PPP2R3A: variants seen among roughly 807,000 people sequenced by gnomAD.
The protein encoded by PPP2R3A is protein phosphatase 2 regulatory subunit B''alpha, also known as serine/threonine-protein phosphatase 2A regulatory subunit B'' subunit alpha.
Under a neutral mutation model 106.9 loss-of-function variants are expected in PPP2R3A, and 80 were observed. That is an observed-to-expected ratio of 0.75 (90% CI 0.62 to 0.90). The LOEUF (loss-of-function observed/expected upper bound fraction) is 0.90, where lower values mean the gene tolerates loss of function less well. Among genes scored for constraint, PPP2R3A ranks in the 40% least tolerant of loss-of-function variants. The probability of loss-of-function intolerance (pLI) is 0.00; values close to 1 mark genes in which losing one functional copy is unlikely to be tolerated. For missense variants in PPP2R3A, 1,386 were observed against 1,350.4 expected, an observed-to-expected ratio of 1.03 and a Z score of -0.41; for synonymous variants, 483 against 468.3, an observed-to-expected ratio of 1.03 and a Z score of -0.41.
intron 8 of PPP2R3A, among the ~76,000 whole-genome samples, chr3:136,087,251 C>CTCTCTCTG (rs1398042374): frequency 2.8e-5 from 3 of 106,682 alleles, no homozygotes; most frequent in African/African-American, 1.1e-4. Context: ...TCGTGTCTCT[C>CTCTCTCTG]TCTCTCTCTC....
At chr3:136,022,931 G>A in intron 2 of PPP2R3A, 2 of 1,477,468 alleles carry the variant, frequency 1.4e-6, no homozygotes, top group Non-Finnish European at 1.8e-6. Flanking sequence ...GGCTGGGAGA[G>A]CACAATGCTT....
intron 13 of PPP2R3A, among the ~76,000 whole-genome samples, chr3:136,107,188 C>T (rs764369134): frequency 6.6e-6 from 1 of 151,940 alleles, no homozygotes. Flanking sequence ...TTTTGTAATT[C>T]TTCTAATTCT....
chr3:136,060,028 A>T (rs904248515), intron 5 of PPP2R3A, among the ~76,000 whole-genome samples: 2 of 152,158 alleles, frequency 1.3e-5, no homozygotes, highest in Admixed American at 6.6e-5. Flanking sequence ...AATAACTAAT[A>T]GTTAATGGGC....
intron 10 of PPP2R3A, among the ~76,000 whole-genome samples, chr3:136,100,527 A>AC (rs1225557513): frequency 6.6e-6 from 1 of 151,868 alleles, no homozygotes; most frequent in Non-Finnish European, 1.5e-5. Context: ...AAAAAAAAAA[A>AC]AATTAGTTGA....
At chr3:136,065,940 G>T (rs1936251980) in intron 5 of PPP2R3A, among the ~76,000 whole-genome samples, 1 of 152,130 alleles carries the variant, frequency 6.6e-6, no homozygotes, top group Admixed American at 6.5e-5. Context: ...CCTTGTAAGT[G>T]CTGGAATTGC....
chr3:136,022,910 T>C, intron 2 of PPP2R3A: 1 of 1,434,402 alleles, frequency 7.0e-7, no homozygotes, highest in Non-Finnish European at 9.1e-7. Context: ...GCATAGATTG[T>C]GGTCTGTGGA....
intron 5 of PPP2R3A, among the ~76,000 whole-genome samples, chr3:136,067,480 G>C (rs1406611937): frequency 2.0e-5 from 3 of 152,220 alleles, no homozygotes; most frequent in Non-Finnish European, 4.4e-5. Context: ...GGAAACCCAG[G>C]CTGAGTTAAG....
At chr3:136,121,716 TG>T (rs1471230303) in intron 13 of PPP2R3A, among the ~76,000 whole-genome samples, 1 of 152,158 alleles carries the variant, frequency 6.6e-6, no homozygotes, top group African/African-American at 2.4e-5. Flanking sequence ...AAATTTTGAA[TG>T]GTTTTTTTAA....
rs1939181453 is a variant in PPP2R3A, at chr3:136,147,448, T to C, written c.*2282T>C. ...ATTGTAATTTACCCACATTATCACA[T>C]TTTCAGGAATTATAAGAATGTGTTT... On this transcript the variant is annotated 3_prime_UTR_variant, in exon 14 of 14. Transcript: ENST00000264977. The C allele has an allele frequency of 6.6e-6, 1 of 152,620 alleles. No individual in the cohort carries two copies. The highest frequency in any genetic ancestry group is 6.5e-5 in the Admixed American group (1 of 15,278). 9.5% of individuals were successfully genotyped at this position (152,620 alleles called of 1,614,324 possible). A position where few individuals can be genotyped will look rare whatever the true frequency, so the allele number is the denominator to read the frequency against.
At chr3:135,966,738 A>G (rs1937099433) in intron 1 of PPP2R3A, among the ~76,000 whole-genome samples, 1 of 152,130 alleles carries the variant, frequency 6.6e-6, no homozygotes, top group African/African-American at 2.4e-5. Context: ...TGGCCTGAAA[A>G]CATTAAATTC....
Position 136,001,389 on chromosome 3 carries a change from C to A in PPP2R3A, c.-110C>A. The stretch of plus-strand genomic sequence containing the variant: ...GAAAAGCCATTATATTTGGAAGAAA[C>A]CACTGAACATTGTTATTAAATATAT... On this transcript the variant is annotated 5_prime_UTR_variant, in exon 2 of 14. Transcript: ENST00000264977. 1 of 956,926 alleles carries A rather than the reference C, an allele frequency of 1.0e-6. No homozygotes were observed. The highest frequency in any genetic ancestry group is 1.6e-6 in the Non-Finnish European group (1 of 636,046). 59.3% of individuals were successfully genotyped at this position (956,926 alleles called of 1,614,324 possible).
chr3:136,032,502 T>A (rs949795142), intron 3 of PPP2R3A, among the ~76,000 whole-genome samples: 2 of 151,390 alleles, frequency 1.3e-5, no homozygotes, highest in South Asian at 2.1e-4. Context: ...TTTCTCTTTT[T>A]TTTTTTAATT....
At chr3:136,086,805 CCTAA>C (rs1434379254) in intron 8 of PPP2R3A, among the ~76,000 whole-genome samples, 1 of 152,112 alleles carries the variant, frequency 6.6e-6, no homozygotes, top group Non-Finnish European at 1.5e-5. Context: ...GCTAACTGTA[CCTAA>C]CTATGTGCAG....
intron 13 of PPP2R3A, among the ~76,000 whole-genome samples, chr3:136,127,066 A>T (rs1938209029): frequency 6.6e-6 from 1 of 152,206 alleles, no homozygotes; most frequent in Non-Finnish European, 1.5e-5. Flanking sequence ...GAGAAACCAG[A>T]TCAGAAAAGC....
In PPP2R3A at chr3:136,001,706, T is replaced by A. The variant is rs750463989; in HGVS notation, c.208T>A (p.Ser70Thr). The change falls in exon 2 of 14, where the codon TCT (serine) becomes ACT (threonine). Residue 70 changes from serine to threonine, a missense_variant. Transcript: ENST00000264977. Reference protein sequence around the residue: ...VSQFKDADLNSMFLPHENGLS... With the variant: ...VSQFKDADLNTMFLPHENGLS... ...TCAGTTCAAAGATGCAGATCTGAAC[T>A]CTATGTTTCTACCCCATGAAAATGG... is the stretch of plus-strand genomic sequence containing the variant. The A allele has an allele frequency of 1.2e-6, 2 of 1,613,982 alleles. No homozygotes were observed. The highest frequency in any genetic ancestry group is 1.7e-6 in the Non-Finnish European group (2 of 1,180,018).
At chr3:136,108,331 G>A (rs1391859491) in intron 13 of PPP2R3A, among the ~76,000 whole-genome samples, 1 of 152,132 alleles carries the variant, frequency 6.6e-6, no homozygotes, top group African/African-American at 2.4e-5. Context: ...GTTCCATTAA[G>A]CATTAAAATC....
Position 135,965,785 on chromosome 3 carries a change from G to A in PPP2R3A, c.-505G>A, listed in dbSNP as rs1368557905. On this transcript the variant is annotated 5_prime_UTR_variant, in exon 1 of 14. Transcript: ENST00000264977. Reference sequence around the variant, plus strand: ...TCGTAGCCCGAGAGTCCGCGCCGCGGGGAGGCTTGGAGGCAAGCGCTGCCC... The same window carrying A: ...TCGTAGCCCGAGAGTCCGCGCCGCGAGGAGGCTTGGAGGCAAGCGCTGCCC... 1 of 152,304 alleles carries A rather than the reference G, an allele frequency of 6.6e-6. No homozygotes were observed. The highest frequency in any genetic ancestry group is 1.5e-5 in the Non-Finnish European group (1 of 68,144). The allele number at this position is 152,304 out of a possible 1,614,324, so 9.4% of individuals were successfully genotyped here.
At chr3:136,136,094 A>ATATATATATATATAT (rs1169806652) in intron 13 of PPP2R3A, among the ~76,000 whole-genome samples, 1 of 142,260 alleles carries the variant, frequency 7.0e-6, no homozygotes, top group Admixed American at 6.9e-5. Flanking sequence ...ATATATATAT[A>ATATATATATATATAT]AAAAACATCA....
At chr3:136,142,982 C>T (rs1435637644) in intron 13 of PPP2R3A, among the ~76,000 whole-genome samples, 1 of 152,190 alleles carries the variant, frequency 6.6e-6, no homozygotes, top group Non-Finnish European at 1.5e-5. Flanking sequence ...GCGGAAAGTT[C>T]CTCTCCTATT....
Sources: gnomAD v4.1 joint callset for allele counts (sites outside exome capture counted in the v4.1 genomes callset) on GRCh38, gnomAD v4.1.1 for gene constraint, MANE v1.5 for transcripts, NCBI Gene and HGNC (gene_info 2026-07-23, HGNC 2026-07-21) for gene names.